Variants in MYO6 observed in about 807,000 individuals in gnomAD.
MYO6 encodes the protein unconventional myosin-VI.
A neutral mutation model predicts 178.7 loss-of-function variants in MYO6; 74 were observed. The ratio of observed to expected loss-of-function variants is 0.41; its 90% confidence interval spans 0.34 to 0.50. The LOEUF (loss-of-function observed/expected upper bound fraction) is 0.50. MYO6 is among the 20% of genes least tolerant of loss of function. The pLI, the probability that MYO6 is intolerant of heterozygous loss-of-function variation, is 0.09. For missense variants in MYO6, 1,330 were observed against 1,547.4 expected, an observed-to-expected ratio of 0.86 and a Z score of 2.36; for synonymous variants, 477 against 504.6, an observed-to-expected ratio of 0.95 and a Z score of 0.73.
At chr6:75,881,959 A>G in intron 23 of MYO6, 141 bp downstream of exon 23, 1 of 933,236 alleles carries the variant, frequency 1.1e-6, no homozygotes, top group African/African-American at 1.7e-5. Flanking sequence ...CTATTTGTAG[A>G]TGTTCTTTCT....
chr6:75,817,588 A>G lies in MYO6; in HGVS notation c.41A>G (p.Asp14Gly), dbSNP rs1771407133. The G allele has an allele frequency of 1.2e-6, 2 of 1,614,244 alleles. No individual in the cohort carries two copies. The highest frequency in any genetic ancestry group is 1.7e-6 in the Non-Finnish European group (2 of 1,180,028). ...CCCGTTTGGGCGCCACACCCTACAGATGGATTTCAGATGGGCAATATTGTG... is the reference window on the plus strand; with the variant it reads ...CCCGTTTGGGCGCCACACCCTACAGGTGGATTTCAGATGGGCAATATTGTG... ...GKPVWAPHPT[D>G]GFQMGNIVDI... Residue 14 changes from aspartate to glycine, a missense_variant, in exon 2 of 35, where the codon GAT becomes GGT. By Grantham distance (94) the Asp-to-Gly change is moderately conservative. Coordinates refer to ENST00000369977, the MANE Select transcript of MYO6 (RefSeq NM_004999.4).
rs546753402 is a variant in MYO6, at chr6:75,866,734, G to A, written c.1770+113G>A. On this transcript the variant is annotated intron_variant, in intron 17 of 34. Coordinates refer to ENST00000369977, the MANE Select transcript of MYO6 (RefSeq NM_004999.4). ...TATTTCACGTGGTTATTTAAATTAA[G>A]TAAAATTACAAGTTCAATTCCTCAG... 7 of 1,166,252 alleles carry A rather than the reference G, an allele frequency of 6.0e-6. No homozygotes were observed. In the African/African-American group the frequency reaches 7.7e-5, roughly 13 times the overall value. 72.2% of individuals were successfully genotyped at this position (1,166,252 alleles called of 1,614,324 possible).
At chr6:75,895,139 GAGTAA>G (rs1362106936) in intron 28 of MYO6, 87 bp from the exon 29 acceptor site, 8 of 933,710 alleles carry the variant, frequency 8.6e-6, no homozygotes, top group Non-Finnish European at 1.3e-5. Flanking sequence ...TAAAATCAAT[GAGTAA>G]AGTAATTGAA....
intron 1 of MYO6, among the ~76,000 whole-genome samples, chr6:75,781,646 C>T (rs1018714603): frequency 4.0e-5 from 6 of 151,856 alleles, no homozygotes; most frequent in African/African-American, 9.7e-5. Context: ...AAGGGGGCTC[C>T]GTGGGTGGCT....
At chr6:75,846,246 AAAGT>A (rs1203724435) in intron 10 of MYO6, among the ~76,000 whole-genome samples, 4 of 152,096 alleles carry the variant, frequency 2.6e-5, no homozygotes, top group Middle Eastern at 3.4e-3. Context: ...ATGAAATACT[AAAGT>A]AAGGATTAAT....
chr6:75,857,336 T>C (rs1775808909), intron 13 of MYO6, 82 bp downstream of exon 13: 2 of 1,386,304 alleles, frequency 1.4e-6, no homozygotes, highest in Admixed American at 1.7e-5. Flanking sequence ...CTTTTCTCCT[T>C]TGTAACTCAT....
Position 75,858,887 on chromosome 6 carries a change from G to A in MYO6, c.1382-15G>A. ...GATCTCATAATGACTCTTGGTTCTG[G>A]TTTTATATTTTCAGAGTACTTTGAG... On this transcript the variant is annotated splice_polypyrimidine_tract_variant and intron_variant, in intron 13 of 34. Transcript: ENST00000369977. 6.5e-7 allele frequency: 1 copy of A among 1,530,900 alleles called. No homozygotes were observed. The highest frequency in any genetic ancestry group is 9.0e-7 in the Non-Finnish European group (1 of 1,107,588). 94.8% of individuals were successfully genotyped at this position (1,530,900 alleles called of 1,614,324 possible). A position where few individuals can be genotyped will look rare whatever the true frequency, so the allele number is the denominator to read the frequency against.
chr6:75,885,271 C>T (rs978360306), intron 23 of MYO6, among the ~76,000 whole-genome samples: 5 of 151,980 alleles, frequency 3.3e-5, no homozygotes, highest in African/African-American at 4.8e-5. Flanking sequence ...TGGTGGCTCA[C>T]GCCTGTAATC....
intron 20 of MYO6, among the ~76,000 whole-genome samples, chr6:75,874,732 T>C (rs1234155583): frequency 6.6e-6 from 1 of 152,242 alleles, no homozygotes; most frequent in African/African-American, 2.4e-5. Context: ...CTAAGCCACA[T>C]TTCTCTTACA....
Position 75,916,110 on chromosome 6 carries a change from C to A in MYO6, c.*1098C>A. ...TTAGTATTGATTCAAATGTCAGCAG[C>A]TTTAAGCCTAATATTTATGACTTTC... On this transcript the variant is annotated 3_prime_UTR_variant, in exon 35 of 35. Transcript: ENST00000369977. 1 of 152,072 alleles carries A rather than the reference C, an allele frequency of 6.6e-6. No individual in the cohort carries two copies. Among genetic ancestry groups the A allele is most frequent in the East Asian group, 1.9e-4 (1 of 5,174 alleles). The allele number at this position is 152,072 out of a possible 1,614,324, so 9.4% of individuals were successfully genotyped here.
At chr6:75,843,132 A>G (rs1353899285) in intron 9 of MYO6, among the ~76,000 whole-genome samples, 1 of 152,156 alleles carries the variant, frequency 6.6e-6, no homozygotes, top group Non-Finnish European at 1.5e-5. Context: ...GTCACTTGAA[A>G]GTGTGTTAGT....
intron 33 of MYO6, among the ~76,000 whole-genome samples, chr6:75,913,382 A>G (rs1354300137): frequency 1.3e-5 from 2 of 152,168 alleles, no homozygotes; most frequent in African/African-American, 2.4e-5. Flanking sequence ...CATACTTTGC[A>G]CTTCATTGGA....
intron 2 of MYO6, among the ~76,000 whole-genome samples, chr6:75,821,789 G>C (rs1026930939): frequency 3.3e-5 from 5 of 152,190 alleles, no homozygotes; most frequent in Non-Finnish European, 7.3e-5. Context: ...ATAACTGTGA[G>C]AATGGCATGG....
intron 19 of MYO6, among the ~76,000 whole-genome samples, chr6:75,871,729 T>G (rs946291066): frequency 4.5e-4 from 68 of 152,174 alleles, no homozygotes; most frequent in African/African-American, 1.4e-3. Flanking sequence ...AAACCAAATC[T>G]GATGAAGAGA....
chr6:75,800,265 A>G (rs746320723), intron 1 of MYO6, among the ~76,000 whole-genome samples: 3 of 152,178 alleles, frequency 2.0e-5, no homozygotes, highest in Non-Finnish European at 4.4e-5. Context: ...GTGAGTCAAC[A>G]TAATCACTCA....
At chr6:75,762,979 C>T (rs1216407764) in intron 1 of MYO6, among the ~76,000 whole-genome samples, 2 of 151,746 alleles carry the variant, frequency 1.3e-5, no homozygotes, top group Admixed American at 6.6e-5. Context: ...GCCTTGGCCT[C>T]CCAAAATGCT....
At chr6:75,871,694 A>C (rs964164070) in intron 19 of MYO6, among the ~76,000 whole-genome samples, 22 of 152,294 alleles carry the variant, frequency 1.4e-4, no homozygotes, top group African/African-American at 4.6e-4. Flanking sequence ...GCAAATATCT[A>C]TCTCTTAAGG....
Position 75,915,047 on chromosome 6 carries a change from G to A in MYO6, c.*35G>A. The A allele has an allele frequency of 6.3e-7, 1 of 1,585,650 alleles. No homozygotes were observed. The highest frequency in any genetic ancestry group is 8.6e-7 in the Non-Finnish European group (1 of 1,163,898). ...ACCAGCCTTACAGCTGGGAGCCTTT[G>A]CCATGGTACTTAGGTAGGGTGTGTG... is the stretch of plus-strand genomic sequence containing the variant. On this transcript the variant is annotated 3_prime_UTR_variant, in exon 35 of 35. Coordinates refer to ENST00000369977, the MANE Select transcript of MYO6 (RefSeq NM_004999.4).
chr6:75,910,414 T>G (rs565397682), intron 32 of MYO6, among the ~76,000 whole-genome samples: 1 of 152,192 alleles, frequency 6.6e-6, no homozygotes, highest in Non-Finnish European at 1.5e-5. Context: ...TGACTCAAAC[T>G]TTGATACCTT....
Sources: gnomAD v4.1 joint callset for allele counts (sites outside exome capture counted in the v4.1 genomes callset) on GRCh38, gnomAD v4.1.1 for gene constraint, MANE v1.5 for transcripts, NCBI Gene and HGNC (gene_info 2026-07-23, HGNC 2026-07-21) for gene names.